TAFA2: variants seen among roughly 807,000 people sequenced by gnomAD.
The protein encoded by TAFA2 is chemokine-like protein TAFA-2.
TAFA2 carries 7 observed loss-of-function variants against 18.8 expected under a neutral mutation model. The ratio of observed to expected loss-of-function variants is 0.37; its 90% CI spans 0.21 to 0.70. The LOEUF is 0.70. Ranked by LOEUF, TAFA2 falls within the 30% of genes least tolerant of loss-of-function variation. The pLI, the probability that TAFA2 is intolerant of heterozygous loss-of-function variation, is 0.53. For synonymous variants in TAFA2, 60 were observed against 54.2 expected (o/e 1.11, Z -0.47); for missense variants, 122 against 158.1 (o/e 0.77, Z 1.23).
intron 1 of TAFA2, among the ~76,000 whole-genome samples, chr12:62,072,361 G>A (rs531945974): frequency 5.3e-5 from 8 of 151,496 alleles, no homozygotes; most frequent in South Asian, 2.1e-4. Context: ...CCCAGCTACC[G>A]AGGAGGCTGA....
intron 1 of TAFA2, among the ~76,000 whole-genome samples, chr12:61,993,114 T>C (rs1880064235): frequency 6.6e-6 from 1 of 152,208 alleles, no homozygotes; most frequent in African/African-American, 2.4e-5. Context: ...ATTAAGCCTC[T>C]CTGCTCACTA....
chr12:62,012,627 TG>T (rs1385328321), intron 1 of TAFA2, among the ~76,000 whole-genome samples: 1 of 152,168 alleles, frequency 6.6e-6, no homozygotes, highest in Non-Finnish European at 1.5e-5. Flanking sequence ...TCTCAGACTT[TG>T]TCTTATTCCT....
At chr12:61,951,024 T>TCC (rs1269703803) in intron 1 of TAFA2, among the ~76,000 whole-genome samples, 1 of 152,138 alleles carries the variant, frequency 6.6e-6, no homozygotes, top group Non-Finnish European at 1.5e-5. Context: ...CACCTGGCTT[T>TCC]CCCTAGCCTT....
intron 1 of TAFA2, chr12:62,022,057 T>C: frequency 1.8e-6 from 1 of 570,356 alleles, no homozygotes; most frequent in Admixed American, 2.1e-5. Flanking sequence ...CACTGCCCTC[T>C]GGAAAACCAA....
chr12:61,911,470 A>G (rs937797152), intron 1 of TAFA2, among the ~76,000 whole-genome samples: 2 of 152,204 alleles, frequency 1.3e-5, no homozygotes, highest in African/African-American at 2.4e-5. Context: ...AAACTATGAC[A>G]TTTTGAACTC....
At chr12:61,747,316 A>T (rs892551219) in intron 4 of TAFA2, among the ~76,000 whole-genome samples, 19 of 143,726 alleles carry the variant, frequency 1.3e-4, no homozygotes, top group African/African-American at 5.1e-4. Flanking sequence ...GCGATTCCTC[A>T]GGGATCTATA....
At chr12:61,764,336 T>C (rs1419299899) in intron 2 of TAFA2, among the ~76,000 whole-genome samples, 1 of 152,024 alleles carries the variant, frequency 6.6e-6, no homozygotes, top group Non-Finnish European at 1.5e-5. Context: ...AAATAGAACA[T>C]CCCCAATTCC....
intron 1 of TAFA2, among the ~76,000 whole-genome samples, chr12:61,897,036 AT>A (rs1875878213): frequency 6.6e-6 from 1 of 152,220 alleles, no homozygotes; most frequent in African/African-American, 2.4e-5. Flanking sequence ...TACATATAAA[AT>A]AAGTAACATA....
intron 1 of TAFA2, among the ~76,000 whole-genome samples, chr12:62,074,835 G>A (rs1310519540): frequency 6.6e-6 from 1 of 151,696 alleles, no homozygotes; most frequent in Non-Finnish European, 1.5e-5. Context: ...CCGAGTAGCT[G>A]GGACTACAGG....
At chr12:61,815,308 C>T (rs1872034225) in intron 2 of TAFA2, among the ~76,000 whole-genome samples, 1 of 151,216 alleles carries the variant, frequency 6.6e-6, no homozygotes, top group Admixed American at 6.6e-5. Context: ...AAAAGAAAAT[C>T]AAGAATTATG....
chr12:62,259,954 C>G (rs1454984942), upstream of TAFA2: 2 of 169,132 alleles, frequency 1.2e-5, no homozygotes, highest in Non-Finnish European at 2.6e-5. Context: ...TGAGCTGCTA[C>G]ATTTTCTGCC....
At chr12:62,161,651 C>A (rs1045478878) in intron 1 of TAFA2, among the ~76,000 whole-genome samples, 2 of 149,538 alleles carry the variant, frequency 1.3e-5, no homozygotes, top group Non-Finnish European at 3.0e-5. Flanking sequence ...GGCCACTACA[C>A]AATCTACACT....
chr12:61,995,395 G>A (rs1481946828), intron 1 of TAFA2, among the ~76,000 whole-genome samples: 4 of 152,058 alleles, frequency 2.6e-5, no homozygotes, highest in African/African-American at 7.2e-5. Context: ...CTCACAATTC[G>A]TTTCAAATGT....
intron 1 of TAFA2, among the ~76,000 whole-genome samples, chr12:62,209,182 C>A (rs934204442): frequency 6.6e-6 from 1 of 152,174 alleles, no homozygotes; most frequent in Non-Finnish European, 1.5e-5. Flanking sequence ...TTGCAATCCC[C>A]ATAATCTCCA....
rs143043307 is a variant in TAFA2 at position 61,797,759 on chromosome 12, A to C, written c.107-42735T>G. Among the ~76,000 whole-genome samples, 726 of 152,330 alleles carry C rather than the reference A, an allele frequency of 4.8e-3. 4 individuals are homozygous for C. The highest frequency in any genetic ancestry group is 8.8e-3 in the Admixed American group (135 of 15,306). ...AGACCCTTTCCATGGCCATGGGGAC[A>C]GACAGAACTTTATTGCTAATGCTGC... On this transcript the variant is annotated intron_variant, in intron 2 of 4. Transcript: ENST00000416284.
chr12:61,845,807 T>C (rs750710777), intron 2 of TAFA2, among the ~76,000 whole-genome samples: 2 of 152,122 alleles, frequency 1.3e-5, no homozygotes, highest in East Asian at 1.9e-4. Flanking sequence ...AACACTCATA[T>C]AAATGATCCA....
chr12:62,181,684 C>G (rs2062552526), intron 1 of TAFA2, among the ~76,000 whole-genome samples: 1 of 152,150 alleles, frequency 6.6e-6, no homozygotes, highest in African/African-American at 2.4e-5. Context: ...CGAAATATTT[C>G]ATCCAGTGAA....
chr12:62,055,556 C>G (rs745828104), intron 1 of TAFA2, among the ~76,000 whole-genome samples: 7 of 151,860 alleles, frequency 4.6e-5, no homozygotes, highest in Admixed American at 1.3e-4. Flanking sequence ...CAATGACAAA[C>G]TAGAAAGATT....
intron 1 of TAFA2, among the ~76,000 whole-genome samples, chr12:61,916,809 T>C (rs1876840070): frequency 6.6e-6 from 1 of 152,204 alleles, no homozygotes; most frequent in East Asian, 1.9e-4. Context: ...AGTGAAAATA[T>C]CAAATTAATC....
Sources: allele counts gnomAD v4.1 joint callset (sites outside exome capture counted in the v4.1 genomes callset), GRCh38; gene constraint gnomAD v4.1.1; transcripts MANE v1.5; gene names NCBI Gene and HGNC (gene_info 2026-07-23, HGNC 2026-07-21).